PTPRD: variants seen among roughly 807,000 people sequenced by gnomAD.
The protein encoded by PTPRD is protein tyrosine phosphatase receptor type D.
A neutral mutation model predicts 214.5 loss-of-function variants in PTPRD; 34 were observed. That is an observed-to-expected ratio of 0.16 (90% CI 0.12 to 0.21). The LOEUF (loss-of-function observed/expected upper bound fraction) is 0.21. Among genes scored for constraint, PTPRD ranks in the 10% least tolerant of loss-of-function variants. PTPRD has a pLI of 1.00. For missense variants in PTPRD, 2,545 were observed against 2,398.7 expected (o/e 1.06, Z -1.27); for synonymous variants, 1,128 against 845.7 (o/e 1.33, Z -5.79).
At chr9:10,477,107 G>A (rs1432522189) in intron 2 of PTPRD, among the ~76,000 whole-genome samples, 1 of 152,096 alleles carries the variant, frequency 6.6e-6, no homozygotes. Flanking sequence ...AAAAGCAATG[G>A]CAACATAAGC....
chr9:9,310,811 G>A (rs1387910809), intron 9 of PTPRD, among the ~76,000 whole-genome samples: 2 of 151,884 alleles, frequency 1.3e-5, no homozygotes, highest in South Asian at 2.1e-4. Flanking sequence ...CCAGCTACTC[G>A]GGAGGCTGAG....
chr9:9,227,914 C>T (rs1320163680), intron 9 of PTPRD, among the ~76,000 whole-genome samples: 3 of 152,136 alleles, frequency 2.0e-5, no homozygotes, highest in African/African-American at 7.2e-5. Flanking sequence ...TTCTTAAATT[C>T]CTGGCCCACA....
At chr9:9,673,658 T>C (rs966260104) in intron 7 of PTPRD, among the ~76,000 whole-genome samples, 4 of 151,164 alleles carry the variant, frequency 2.6e-5, no homozygotes, top group African/African-American at 9.7e-5. Context: ...TATTTCTGTA[T>C]CAATGAAAAT....
chr9:10,008,601 C>A (rs1019453725), intron 4 of PTPRD, among the ~76,000 whole-genome samples: 1 of 148,702 alleles, frequency 6.7e-6, no homozygotes, highest in African/African-American at 2.4e-5. Context: ...TATATATATA[C>A]TTAGCCAATC....
At position 9,454,310 on chromosome 9, in the gene PTPRD, G is replaced by A. The variant is rs115667780; in HGVS notation, c.-236-56828C>T. On this transcript the variant is annotated intron_variant, in intron 8 of 45. Coordinates refer to ENST00000381196, the MANE Select transcript of PTPRD (RefSeq NM_002839.4). ...GTTTGGCTCTTTTGAAGCCACCAAT[G>A]TGAAATCTATGGACATGGAATTGGG... Among the ~76,000 whole-genome samples, 447 of 151,788 alleles carry A rather than the reference G, an allele frequency of 2.9e-3. 1 individual carries two copies. Among genetic ancestry groups the A allele is most frequent in the African/African-American group, 0.01 (425 of 41,496 alleles).
intron 12 of PTPRD, among the ~76,000 whole-genome samples, chr9:8,669,422 A>AAGAC (rs1444919142): frequency 6.6e-6 from 1 of 152,126 alleles, no homozygotes; most frequent in Non-Finnish European, 1.5e-5. Context: ...CCATACCAGA[A>AAGAC]AGACAGACAG....
chr9:9,364,379 G>A (rs2057250436), intron 9 of PTPRD, among the ~76,000 whole-genome samples: 1 of 151,490 alleles, frequency 6.6e-6, no homozygotes, highest in Non-Finnish European at 1.5e-5. Context: ...ATGGCAAAGA[G>A]AAAGTATGTC....
rs541113392 is a variant in PTPRD at position 8,590,370 on chromosome 9, G to A, written c.352+42947C>T. Among the ~76,000 whole-genome samples, 26 of 152,214 alleles carry A rather than the reference G, an allele frequency of 1.7e-4. No homozygotes were observed. In the South Asian group the frequency reaches 2.7e-3, roughly 16 times the overall value. ...TTCCAAGGTATTTTATTTGGAGAACGCTGCATGGTTGTGTGCTATATCCTA... is the reference window on the plus strand; with the variant it reads ...TTCCAAGGTATTTTATTTGGAGAACACTGCATGGTTGTGTGCTATATCCTA... On this transcript the variant is annotated intron_variant, in intron 14 of 45. Transcript: ENST00000381196.
intron 26 of PTPRD, among the ~76,000 whole-genome samples, chr9:8,493,951 C>T (rs72694731): frequency 2.1e-3 from 312 of 151,996 alleles, no homozygotes; most frequent in Non-Finnish European, 3.8e-3. Flanking sequence ...GCTGCATGTA[C>T]ACATGCGCGC....
At chr9:8,412,252 T>C (rs2093590612) in intron 35 of PTPRD, among the ~76,000 whole-genome samples, 1 of 152,088 alleles carries the variant, frequency 6.6e-6, no homozygotes, top group African/African-American at 2.4e-5. Flanking sequence ...TTAAACAAAA[T>C]ATTAAAATAG....
intron 11 of PTPRD, among the ~76,000 whole-genome samples, chr9:8,837,200 A>G (rs891070857): frequency 4.0e-5 from 6 of 151,726 alleles, no homozygotes; most frequent in Non-Finnish European, 7.4e-5. Context: ...TTTTCAGTAG[A>G]GACAGAGTTT....
chr9:9,847,958 T>C (rs1284818610), intron 5 of PTPRD, among the ~76,000 whole-genome samples: 2 of 152,202 alleles, frequency 1.3e-5, no homozygotes, highest in Middle Eastern at 3.4e-3. Context: ...CAGCAAGAAG[T>C]GCCAGAAAAC....
intron 3 of PTPRD, among the ~76,000 whole-genome samples, chr9:10,094,705 C>T (rs981568388): frequency 6.6e-6 from 1 of 151,188 alleles, no homozygotes; most frequent in African/African-American, 2.4e-5. Context: ...GACTTCTCAA[C>T]AGGAATTGAA....
At chr9:9,696,287 T>C (rs2097372377) in intron 7 of PTPRD, among the ~76,000 whole-genome samples, 1 of 152,186 alleles carries the variant, frequency 6.6e-6, no homozygotes, top group Non-Finnish European at 1.5e-5. Context: ...AGCAATTGGA[T>C]GAAATGTTCT....
chr9:8,883,634 G>A (rs1389640570), intron 11 of PTPRD, among the ~76,000 whole-genome samples: 1 of 152,220 alleles, frequency 6.6e-6, no homozygotes, highest in African/African-American at 2.4e-5. Context: ...GAAGAAAAAT[G>A]CTGAGGTGAG....
intron 8 of PTPRD, among the ~76,000 whole-genome samples, chr9:9,427,950 G>A (rs928519139): frequency 9.2e-5 from 14 of 152,216 alleles, no homozygotes; most frequent in Non-Finnish European, 1.9e-4. Context: ...ACCAGCCACT[G>A]CAAAGACATG....
At chr9:8,779,693 A>G (rs1211365959) in intron 11 of PTPRD, among the ~76,000 whole-genome samples, 1 of 152,108 alleles carries the variant, frequency 6.6e-6, no homozygotes, top group African/African-American at 2.4e-5. Context: ...ACGGTAAACA[A>G]GCTTCTATGC....
At chr9:9,360,086 G>T (rs1452528375) in intron 9 of PTPRD, among the ~76,000 whole-genome samples, 2 of 151,062 alleles carry the variant, frequency 1.3e-5, no homozygotes, top group South Asian at 4.2e-4. Flanking sequence ...TAACAAAAAT[G>T]ATGTTTTCAA....
chr9:8,678,989 T>C (rs886065449), intron 12 of PTPRD, among the ~76,000 whole-genome samples: 14 of 152,180 alleles, frequency 9.2e-5, no homozygotes, highest in African/African-American at 3.4e-4. Context: ...CATGTCACAA[T>C]GCAAATCAGA....
Sources: allele counts gnomAD v4.1 joint callset (sites outside exome capture counted in the v4.1 genomes callset), GRCh38; gene constraint gnomAD v4.1.1; transcripts MANE v1.5; gene names NCBI Gene and HGNC (gene_info 2026-07-23, HGNC 2026-07-21).